GRIA1: variants seen among roughly 807,000 people sequenced by gnomAD.
The protein encoded by GRIA1 is glutamate receptor 1.
Under a neutral mutation model 99.2 loss-of-function variants are expected in GRIA1, and 31 were observed. That is an observed-to-expected ratio of 0.31 (90% CI 0.23 to 0.42). GRIA1 has a LOEUF of 0.42. Among genes scored for constraint, GRIA1 ranks in the 10% least tolerant of loss-of-function variants. The pLI is 1.00. For missense variants in GRIA1, 782 were observed against 1,157.5 expected, an observed-to-expected ratio of 0.68 and a Z score of 4.71; for synonymous variants, 438 against 432.4, an observed-to-expected ratio of 1.01 and a Z score of -0.16.
At chr5:153,581,406 G>C (rs1649402720) in intron 2 of GRIA1, among the ~76,000 whole-genome samples, 9 of 152,072 alleles carry the variant, frequency 5.9e-5, no homozygotes, top group Admixed American at 5.9e-4. Flanking sequence ...CTCACACACA[G>C]CTCCCCTTGC....
intron 2 of GRIA1, among the ~76,000 whole-genome samples, chr5:153,519,131 G>A (rs188299124): frequency 2.6e-5 from 4 of 152,142 alleles, no homozygotes; most frequent in Admixed American, 2.6e-4. Context: ...GGGCATGATG[G>A]CACGCACCTG....
chr5:153,737,989 G>A (rs1761506239), intron 11 of GRIA1, among the ~76,000 whole-genome samples: 1 of 152,186 alleles, frequency 6.6e-6, no homozygotes, highest in Admixed American at 6.5e-5. Flanking sequence ...TAAAGGAAGG[G>A]TATACATAGG....
intron 12 of GRIA1, among the ~76,000 whole-genome samples, chr5:153,765,204 G>A (rs529971418): frequency 6.6e-6 from 1 of 152,078 alleles, no homozygotes; most frequent in Non-Finnish European, 1.5e-5. Flanking sequence ...GGAGCAGAGA[G>A]CTTAGGAGCA....
intron 13 of GRIA1, among the ~76,000 whole-genome samples, chr5:153,791,178 G>A (rs1765275107): frequency 6.6e-6 from 1 of 151,248 alleles, no homozygotes; most frequent in African/African-American, 2.4e-5. Flanking sequence ...GCTTATGCCT[G>A]TATCCTAGCA....
rs114243129 is a variant in GRIA1 at position 153,756,413 on chromosome 5, A to G, written c.1824-8021A>G. Among the ~76,000 whole-genome samples the G allele has an allele frequency of 3.3e-3, 504 of 152,280 alleles. 4 individuals carry two copies. Among genetic ancestry groups the G allele is most frequent in the African/African-American group, 0.011 (462 of 41,564 alleles). On this transcript the variant is annotated intron_variant, in intron 11 of 15. Coordinates refer to ENST00000285900, the MANE Select transcript of GRIA1 (RefSeq NM_000827.4). The stretch of plus-strand genomic sequence containing the variant: ...CAGTCTTGGCTTTAGTTCCACTTAA[A>G]CTGCAGTAAGAGAACTGCCCTGGCC...
chr5:153,569,920 A>G (rs1761966679), intron 2 of GRIA1, among the ~76,000 whole-genome samples: 1 of 152,216 alleles, frequency 6.6e-6, no homozygotes, highest in Non-Finnish European at 1.5e-5. Flanking sequence ...CAAATGTGTT[A>G]TCAGAGCTGC....
chr5:153,547,652 C>T (rs1422682265), intron 2 of GRIA1, among the ~76,000 whole-genome samples: 1 of 152,152 alleles, frequency 6.6e-6, no homozygotes. Context: ...TTGGTTGAAA[C>T]TTTCATGACT....
At chr5:153,613,467 G>A (rs1232431418) in intron 2 of GRIA1, among the ~76,000 whole-genome samples, 1 of 152,076 alleles carries the variant, frequency 6.6e-6, no homozygotes, top group Non-Finnish European at 1.5e-5. Flanking sequence ...CATGTAATAG[G>A]TACTGGGTCT....
intron 11 of GRIA1, among the ~76,000 whole-genome samples, chr5:153,735,755 A>G (rs1015825683): frequency 2.6e-5 from 4 of 152,126 alleles, no homozygotes; most frequent in Admixed American, 2.6e-4. Context: ...AATAAAACCA[A>G]TAGGATTTCT....
chr5:153,649,560 C>T (rs757256794), intron 3 of GRIA1, among the ~76,000 whole-genome samples: 2 of 152,134 alleles, frequency 1.3e-5, no homozygotes, highest in Non-Finnish European at 2.9e-5. Flanking sequence ...CAGGTTCAAG[C>T]AATTCTCCTG....
At chr5:153,755,081 C>G (rs555865076) in intron 11 of GRIA1, among the ~76,000 whole-genome samples, 17 of 152,222 alleles carry the variant, frequency 1.1e-4, no homozygotes, top group Non-Finnish European at 1.5e-4. Context: ...AGGGGCCAAA[C>G]AAAGAGCAGT....
At chr5:153,491,708 A>C (rs1378153985) in intron 1 of GRIA1, among the ~76,000 whole-genome samples, 1 of 151,986 alleles carries the variant, frequency 6.6e-6, no homozygotes, top group African/African-American at 2.4e-5. Flanking sequence ...ACACAAACAC[A>C]CACACGTACA....
chr5:153,719,641 C>A lies in GRIA1; in HGVS notation c.1823+13574C>A, dbSNP rs548187119. Reference sequence around the variant, plus strand: ...AGCTGTATCACCTTTCATAACCTACCCTCAAAAATGACATAGTGTGACTTC... The same window carrying A: ...AGCTGTATCACCTTTCATAACCTACACTCAAAAATGACATAGTGTGACTTC... On this transcript the variant is annotated intron_variant, in intron 11 of 15. Transcript: ENST00000285900. Among the ~76,000 whole-genome samples, 16 of 152,028 alleles carry A rather than the reference C, an allele frequency of 1.1e-4. 1 individual carries two copies. The highest frequency in any genetic ancestry group is 3.9e-4 in the African/African-American group (16 of 41,462).
rs1766024178 is a variant in GRIA1, at chr5:153,611,924, G to T, written c.221-35004G>T. Among the ~76,000 whole-genome samples, 4 of 152,308 alleles carry T rather than the reference G, an allele frequency of 2.6e-5. No homozygotes were observed. The South Asian group carries it at 8.3e-4, about 32-fold the overall frequency. On this transcript the variant is annotated intron_variant, in intron 2 of 15. Coordinates refer to ENST00000285900, the MANE Select transcript of GRIA1 (RefSeq NM_000827.4). ...GTTCTGTTGGAAAAGGTGCCAGACTGGGTCTTTGGAGATGTAGGTTTGTAA... is the reference window on the plus strand; with the variant it reads ...GTTCTGTTGGAAAAGGTGCCAGACTTGGTCTTTGGAGATGTAGGTTTGTAA...
At chr5:153,720,289 G>A (rs190781084) in intron 11 of GRIA1, among the ~76,000 whole-genome samples, 1 of 152,170 alleles carries the variant, frequency 6.6e-6, no homozygotes, top group Admixed American at 6.5e-5. Flanking sequence ...AAGGACTAAT[G>A]TTTAGACTTC....
At chr5:153,788,021 A>G (rs935470751) in intron 13 of GRIA1, among the ~76,000 whole-genome samples, 1 of 152,128 alleles carries the variant, frequency 6.6e-6, no homozygotes, top group Non-Finnish European at 1.5e-5. Flanking sequence ...CGTAGCTTGC[A>G]GTGAGCTGAG....
At chr5:153,790,563 G>T (rs538717013) in intron 13 of GRIA1, among the ~76,000 whole-genome samples, 16 of 152,246 alleles carry the variant, frequency 1.1e-4, no homozygotes, top group African/African-American at 3.9e-4. Context: ...CCAAGACAAA[G>T]TTCTCACCAG....
rs997556270 is a variant in GRIA1, at chr5:153,556,764, C to T, written c.220+62699C>T. 2.6e-5 allele frequency among the ~76,000 whole-genome samples: 4 copies of T among 152,158 alleles called. No individual in the cohort carries two copies. In the East Asian group the frequency reaches 7.7e-4, roughly 29 times the overall value. ...ATTGGTCTATGTACTCTCTGTAACCCTACATGAAATGCTTTAAAACTTCAT... is the reference window on the plus strand; with the variant it reads ...ATTGGTCTATGTACTCTCTGTAACCTTACATGAAATGCTTTAAAACTTCAT... On this transcript the variant is annotated intron_variant, in intron 2 of 15. Coordinates refer to ENST00000285900, the MANE Select transcript of GRIA1 (RefSeq NM_000827.4).
At chr5:153,749,575 G>C (rs1762378480) in intron 11 of GRIA1, among the ~76,000 whole-genome samples, 1 of 152,088 alleles carries the variant, frequency 6.6e-6, no homozygotes, top group Non-Finnish European at 1.5e-5. Context: ...GTCAGATCTT[G>C]TGGGAACTAA....
Sources: allele counts gnomAD v4.1 joint callset (sites outside exome capture counted in the v4.1 genomes callset), GRCh38; gene constraint gnomAD v4.1.1; transcripts MANE v1.5; gene names NCBI Gene and HGNC (gene_info 2026-07-23, HGNC 2026-07-21).